WDR88: variants seen among roughly 807,000 people sequenced by gnomAD.
The protein encoded by WDR88 is WD repeat-containing protein 88.
WDR88 carries 40 observed loss-of-function variants against 46.8 expected under a neutral mutation model. That is an observed-to-expected ratio of 0.86 (90% CI 0.66 to 1.11). WDR88 has a LOEUF of 1.11. Among genes scored for constraint, WDR88 ranks in the 50% most tolerant of loss-of-function variants. The pLI is 0.00. For missense variants in WDR88, 562 were observed against 602.4 expected (o/e 0.93, Z 0.70); for synonymous variants, 235 against 240.7 (o/e 0.98, Z 0.22).
chr19:33,163,127 A>T (rs932787799), intron 8 of WDR88, among the ~76,000 whole-genome samples: 9 of 152,018 alleles, frequency 5.9e-5, no homozygotes, highest in African/African-American at 1.9e-4. Flanking sequence ...AAGTCAGAAG[A>T]TCGAGACCAT....
At chr19:33,154,668 G>A (rs925650191) in intron 6 of WDR88, among the ~76,000 whole-genome samples, 4 of 152,154 alleles carry the variant, frequency 2.6e-5, no homozygotes, top group Admixed American at 1.3e-4. Flanking sequence ...ATAAACATAC[G>A]TGTGCATGTG....
intron 2 of WDR88, among the ~76,000 whole-genome samples, chr19:33,143,512 C>A (rs917600951): frequency 6.6e-6 from 1 of 150,948 alleles, no homozygotes; most frequent in African/African-American, 2.4e-5. Flanking sequence ...GGCGTGGTGG[C>A]GTGTGCCTAT....
At chr19:33,152,604 T>A (rs903593785) in intron 6 of WDR88, among the ~76,000 whole-genome samples, 3 of 152,110 alleles carry the variant, frequency 2.0e-5, no homozygotes, top group South Asian at 2.1e-4. Context: ...AGAACTTCAT[T>A]CCTTTTTTTT....
At chr19:33,146,432 T>TTTCCTTCCTTCC (rs146586878) in intron 3 of WDR88, among the ~76,000 whole-genome samples, 5 of 146,540 alleles carry the variant, frequency 3.4e-5, no homozygotes, top group African/African-American at 1.3e-4. Flanking sequence ...TTAGGTCCTA[T>TTTCCTTCCTTCC]TTCCTTCCTT....
chr19:33,148,930 C>A lies in WDR88; in HGVS notation c.679+20C>A. On this transcript the variant is annotated intron_variant, in intron 5 of 10. Coordinates refer to ENST00000355868, the MANE Select transcript of WDR88 (RefSeq NM_173479.4). ...TCAAAGGTGAGGGTGTGCGGGCTCC[C>A]TGTATCTTCAGTCTGCCATAGGAAT... 1 of 1,613,692 alleles carries A rather than the reference C, an allele frequency of 6.2e-7. No individual in the cohort carries two copies. Among genetic ancestry groups the A allele is most frequent in the African/African-American group, 1.3e-5 (1 of 75,034 alleles).
intron 1 of WDR88, among the ~76,000 whole-genome samples, chr19:33,133,997 G>C (rs1973193975): frequency 6.6e-6 from 1 of 152,260 alleles, no homozygotes; most frequent in African/African-American, 2.4e-5. Context: ...TGCAGCATCA[G>C]GTCCAGGCCC....
At chr19:33,147,409 C>G (rs1973540827) in intron 3 of WDR88, among the ~76,000 whole-genome samples, 1 of 152,046 alleles carries the variant, frequency 6.6e-6, no homozygotes, top group Non-Finnish European at 1.5e-5. Context: ...TTGAGACCAG[C>G]CTGGCCAACA....
At chr19:33,137,107 TTCTTC>T (rs1973282920) in intron 1 of WDR88, among the ~76,000 whole-genome samples, 2 of 98,248 alleles carry the variant, frequency 2.0e-5, no homozygotes, top group African/African-American at 7.3e-5. Context: ...ATTTTCTTTC[TTCTTC>T]TTTTTTTTTT....
At chr19:33,152,251 A>G (rs1468866624) in intron 6 of WDR88, among the ~76,000 whole-genome samples, 1 of 151,866 alleles carries the variant, frequency 6.6e-6, no homozygotes, top group Non-Finnish European at 1.5e-5. Flanking sequence ...ATATATATAT[A>G]TACACGCACA....
rs1973627945 is a variant in WDR88 at position 33,151,230 on chromosome 19, G to C, written c.729G>C (p.Gln243His). The change falls in exon 6 of 11, where the codon CAG becomes CAC. Residue 243 changes from glutamine to histidine, a missense_variant. Transcript: ENST00000355868. Reference protein sequence around the residue: ...ITSCCFDPDSQRVASVSLDRC... With the variant: ...ITSCCFDPDSHRVASVSLDRC... ...CATGCTGCTTTGACCCCGACAGCCA[G>C]AGGGTGGCTTCTGTCTCATTGGACA... is the stretch of plus-strand genomic sequence containing the variant. 1 of 1,613,924 alleles carries C rather than the reference G, an allele frequency of 6.2e-7. No individual in the cohort carries two copies. The highest frequency in any genetic ancestry group is 8.5e-7 in the Non-Finnish European group (1 of 1,179,942).
intron 10 of WDR88, among the ~76,000 whole-genome samples, chr19:33,173,431 G>T (rs79223232): frequency 0.014 from 2,069 of 152,370 alleles, 54 homozygotes; most frequent in African/African-American, 0.048. Flanking sequence ...TGGCCACAGA[G>T]GCTGTCCCTG....
intron 9 of WDR88, among the ~76,000 whole-genome samples, chr19:33,171,972 C>G (rs577955850): frequency 6.6e-6 from 1 of 152,208 alleles, no homozygotes; most frequent in East Asian, 1.9e-4. Context: ...GGGGTTTCAC[C>G]ATATTGGTCA....
At chr19:33,168,633 G>T (rs1973991223) in intron 9 of WDR88, among the ~76,000 whole-genome samples, 1 of 152,204 alleles carries the variant, frequency 6.6e-6, no homozygotes, top group Non-Finnish European at 1.5e-5. Flanking sequence ...TGAATGGAAA[G>T]ACATCCTATA....
rs746514517 is a variant in WDR88, at chr19:33,156,467, C to T, written c.922C>T (p.Arg308Ter). ...KIWNVHTGEFRNCGACVTLMQ... is the reference protein window; with the variant it reads ...KIWNVHTGEF Reference sequence around the variant, plus strand: ...ATGGAACGTCCACACAGGGGAGTTTCGAAACTGTGGAGCCTGTGTGACTCT... The same window carrying T: ...ATGGAACGTCCACACAGGGGAGTTTTGAAACTGTGGAGCCTGTGTGACTCT... The change falls in exon 7 of 11, where the codon CGA becomes TGA. Residue 308 changes from arginine (R) to a stop codon, truncating the protein, a stop_gained. Coordinates refer to ENST00000355868, the MANE Select transcript of WDR88 (RefSeq NM_173479.4). LOFTEE classifies it high-confidence loss of function. 15 of 1,614,122 alleles carry T rather than the reference C, an allele frequency of 9.3e-6. No homozygotes were observed. Among genetic ancestry groups the T allele is most frequent in the South Asian group, 3.3e-5 (3 of 91,084 alleles).
intron 1 of WDR88, among the ~76,000 whole-genome samples, chr19:33,132,745 G>A (rs975609589): frequency 6.6e-6 from 1 of 152,216 alleles, no homozygotes; most frequent in Non-Finnish European, 1.5e-5. Flanking sequence ...TGGAGTCTCC[G>A]TAGGTAGGCC....
In WDR88 at chr19:33,141,227, G is replaced by GTTTTTTTTTTTTTTTTTTT. The variant is rs745987290; in HGVS notation, c.387+3453_387+3454insTTTTTTTTTTTTTTTTTTT. On this transcript the variant is annotated intron_variant, in intron 2 of 10. Transcript: ENST00000355868. The stretch of plus-strand genomic sequence containing the variant: ...GCTGGGATTACAGGTGTGGGAGCAT[G>GTTTTTTTTTTTTTTTTTTT]TTTTTTTTTTTTTCTTTTTTGACAC... Among the ~76,000 whole-genome samples, 172 of 113,376 alleles carry GTTTTTTTTTTTTTTTTTTT rather than the reference G, an allele frequency of 1.5e-3. 46 individuals are homozygous for GTTTTTTTTTTTTTTTTTTT. Among genetic ancestry groups the GTTTTTTTTTTTTTTTTTTT allele is most frequent in the African/African-American group, 6.6e-3 (162 of 24,442 alleles). The allele number at this position is 113,376 out of a possible 152,430, so 74.4% of individuals were successfully genotyped here. A position where few individuals can be genotyped will look rare whatever the true frequency, so the allele number is the denominator to read the frequency against.
intron 1 of WDR88, among the ~76,000 whole-genome samples, chr19:33,133,559 A>G (rs1973184420): frequency 6.6e-6 from 1 of 152,190 alleles, no homozygotes; most frequent in Non-Finnish European, 1.5e-5. Context: ...AACATTCTCA[A>G]TAAGTAGCGT....
chr19:33,135,727 G>A lies in WDR88; in HGVS notation c.277-1950G>A, dbSNP rs568155851. Among the ~76,000 whole-genome samples the A allele has an allele frequency of 6.2e-4, 94 of 152,180 alleles. 1 individual carries two copies. Among genetic ancestry groups the A allele is most frequent in the African/African-American group, 2.0e-3 (81 of 41,524 alleles). On this transcript the variant is annotated intron_variant, in intron 1 of 10. Coordinates refer to ENST00000355868, the MANE Select transcript of WDR88 (RefSeq NM_173479.4). Reference sequence around the variant, plus strand: ...GCCACTGCGCCTGGCCGAACCGCCCGTTTTTCAAAGTGGCTGCACTACTTT... The same window carrying A: ...GCCACTGCGCCTGGCCGAACCGCCCATTTTTCAAAGTGGCTGCACTACTTT...
chr19:33,148,973 T>A (rs1334114391), intron 5 of WDR88, 63 bp downstream of exon 5: 20 of 1,603,190 alleles, frequency 1.2e-5, no homozygotes, highest in Non-Finnish European at 1.4e-5. Flanking sequence ...TGTCACTGAC[T>A]GACGGTGACC....
Sources: gnomAD v4.1 joint callset for allele counts (sites outside exome capture counted in the v4.1 genomes callset) on GRCh38, gnomAD v4.1.1 for gene constraint, MANE v1.5 for transcripts, NCBI Gene and HGNC (gene_info 2026-07-23, HGNC 2026-07-21) for gene names.